ANKS1B: variants seen among roughly 807,000 people sequenced by gnomAD.
The protein encoded by ANKS1B is ankyrin repeat and sterile alpha motif domain-containing protein 1B.
ANKS1B carries 36 observed loss-of-function variants against 148.3 expected under a neutral mutation model. That is an observed-to-expected ratio of 0.24 (90% confidence interval 0.19 to 0.32). The LOEUF (loss-of-function observed/expected upper bound fraction) is 0.32. Among genes scored for constraint, ANKS1B ranks in the 10% least tolerant of loss-of-function variants. ANKS1B has a pLI of 1.00. For synonymous variants in ANKS1B, 542 were observed against 560.8 expected, an observed-to-expected ratio of 0.97 and a Z score of 0.47; for missense variants, 1,157 against 1,542.6, an observed-to-expected ratio of 0.75 and a Z score of 4.19.
At chr12:99,406,925 T>A (rs1283115229) in intron 11 of ANKS1B, among the ~76,000 whole-genome samples, 4 of 145,784 alleles carry the variant, frequency 2.7e-5, no homozygotes, top group Non-Finnish European at 4.5e-5. Context: ...TCTGATGGCT[T>A]CACTGCTGAA....
chr12:98,827,433 C>G (rs772915471), intron 19 of ANKS1B, among the ~76,000 whole-genome samples: 7 of 152,174 alleles, frequency 4.6e-5, no homozygotes, highest in Non-Finnish European at 8.8e-5. Context: ...ACTCTGTTTT[C>G]TGCTTTTAGG....
chr12:99,881,104 G>T (rs1472864595), intron 1 of ANKS1B, among the ~76,000 whole-genome samples: 1 of 152,114 alleles, frequency 6.6e-6, no homozygotes, highest in Non-Finnish European at 1.5e-5. Flanking sequence ...GTATCCCCCA[G>T]TCTGGTGTCT....
At chr12:99,771,449 G>A (rs2063185235) in intron 8 of ANKS1B, among the ~76,000 whole-genome samples, 1 of 151,988 alleles carries the variant, frequency 6.6e-6, no homozygotes, top group South Asian at 2.1e-4. Flanking sequence ...AAATCTTTGA[G>A]GATGGATCTA....
At chr12:98,800,941 GA>G (rs1235327136) in intron 21 of ANKS1B, 55 bp downstream of exon 21, 27 of 1,559,646 alleles carry the variant, frequency 1.7e-5, no homozygotes, top group Non-Finnish European at 1.8e-5. Context: ...CAAACAAGCT[GA>G]AAACATACCC....
intron 12 of ANKS1B, among the ~76,000 whole-genome samples, chr12:99,345,433 G>A (rs555545518): frequency 1.3e-5 from 2 of 152,106 alleles, no homozygotes; most frequent in East Asian, 1.9e-4. Flanking sequence ...GGAAAGTGAC[G>A]TTAGTATAGT....
At chr12:99,432,291 A>G (rs2152753173) in intron 11 of ANKS1B, among the ~76,000 whole-genome samples, 1 of 152,274 alleles carries the variant, frequency 6.6e-6, no homozygotes. Flanking sequence ...GACTTCACCT[A>G]TCTAATGCCT....
chr12:99,043,231 T>A (rs1299953939), intron 17 of ANKS1B, among the ~76,000 whole-genome samples: 4 of 152,210 alleles, frequency 2.6e-5, no homozygotes, highest in African/African-American at 9.7e-5. Context: ...TATGCATATT[T>A]AAAAGGACAC....
At chr12:99,284,496 T>C (rs143237267) in intron 12 of ANKS1B, among the ~76,000 whole-genome samples, 1 of 152,336 alleles carries the variant, frequency 6.6e-6, no homozygotes, top group Non-Finnish European at 1.5e-5. Context: ...AATCTAGATT[T>C]TAACAATCCC....
At chr12:99,334,201 C>T (rs760587911) in intron 12 of ANKS1B, among the ~76,000 whole-genome samples, 2 of 151,574 alleles carry the variant, frequency 1.3e-5, no homozygotes, top group Non-Finnish European at 2.9e-5. Context: ...TACATAGATA[C>T]ATAGATACAT....
intron 1 of ANKS1B, among the ~76,000 whole-genome samples, chr12:99,958,271 T>G (rs542789726): frequency 2.0e-5 from 3 of 152,020 alleles, no homozygotes; most frequent in Non-Finnish European, 4.4e-5. Context: ...TACAAAGAAC[T>G]GGTGAAAAAA....
At chr12:98,883,293 A>T (rs1363941328) in intron 17 of ANKS1B, among the ~76,000 whole-genome samples, 1 of 152,214 alleles carries the variant, frequency 6.6e-6, no homozygotes, top group Admixed American at 6.5e-5. Context: ...GGATTAGGGC[A>T]ATTATAAAAT....
At chr12:99,404,521 G>T (rs2094488122) in intron 11 of ANKS1B, among the ~76,000 whole-genome samples, 1 of 145,570 alleles carries the variant, frequency 6.9e-6, no homozygotes, top group African/African-American at 2.6e-5. Context: ...GAATGCATTA[G>T]AATCTGTTAA....
intron 12 of ANKS1B, among the ~76,000 whole-genome samples, chr12:99,247,692 A>G (rs1181819857): frequency 6.6e-6 from 1 of 152,192 alleles, no homozygotes; most frequent in Non-Finnish European, 1.5e-5. Flanking sequence ...CTGAGATTTA[A>G]AATACACCAT....
At chr12:99,113,044 A>G (rs1002298880) in intron 15 of ANKS1B, among the ~76,000 whole-genome samples, 1 of 152,204 alleles carries the variant, frequency 6.6e-6, no homozygotes, top group African/African-American at 2.4e-5. Flanking sequence ...GCATTATATT[A>G]TTTCCCAACT....
intron 25 of ANKS1B, among the ~76,000 whole-genome samples, chr12:98,767,852 T>C (rs1328335867): frequency 6.6e-6 from 1 of 152,242 alleles, no homozygotes; most frequent in Non-Finnish European, 1.5e-5. Flanking sequence ...CTCTCACCTA[T>C]AGTGGCCTTT....
intron 6 of ANKS1B, among the ~76,000 whole-genome samples, chr12:99,777,686 G>A (rs932841453): frequency 3.3e-5 from 5 of 151,950 alleles, no homozygotes; most frequent in Non-Finnish European, 5.9e-5. Context: ...CTGGGTTCAC[G>A]CCATTCTCCT....
intron 1 of ANKS1B, among the ~76,000 whole-genome samples, chr12:99,845,713 T>C (rs1270656635): frequency 6.6e-6 from 1 of 152,140 alleles, no homozygotes; most frequent in East Asian, 1.9e-4. Flanking sequence ...CAGGTTTTGG[T>C]ATCACAATGT....
chr12:99,594,008 G>A (rs1842986367), intron 9 of ANKS1B, among the ~76,000 whole-genome samples: 1 of 151,864 alleles, frequency 6.6e-6, no homozygotes, highest in African/African-American at 2.4e-5. Flanking sequence ...AGTCTTAGAT[G>A]CTAGAATCCA....
At chr12:99,914,523 A>G (rs1308069519) in intron 1 of ANKS1B, among the ~76,000 whole-genome samples, 1 of 152,168 alleles carries the variant, frequency 6.6e-6, no homozygotes, top group Non-Finnish European at 1.5e-5. Context: ...CATGCTGTAA[A>G]AGTCAGAAAA....
Sources: allele counts gnomAD v4.1 joint callset (sites outside exome capture counted in the v4.1 genomes callset), GRCh38; gene constraint gnomAD v4.1.1; transcripts MANE v1.5; gene names NCBI Gene and HGNC (gene_info 2026-07-23, HGNC 2026-07-21).